The following TTLL8 variants were observed in gnomAD, a reference collection of about 807,000 sequenced individuals.
TTLL8 encodes the protein protein monoglycylase TTLL8.
Under a neutral mutation model 77.8 loss-of-function variants are expected in TTLL8, and 65 were observed. The observed-to-expected ratio is 0.84, with a 90% confidence interval of 0.68 to 1.03. TTLL8 has a LOEUF of 1.03. TTLL8 is among the 50% of genes least tolerant of loss of function. The pLI, the probability that TTLL8 is intolerant of heterozygous loss-of-function variation, is 0.00. For missense variants in TTLL8, 910 were observed against 1,004.5 expected (o/e 0.91, Z 1.27); for synonymous variants, 402 against 422.8 (o/e 0.95, Z 0.60).
At chr22:50,048,218 C>T (rs1046178606) in intron 3 of TTLL8, among the ~76,000 whole-genome samples, 3 of 151,866 alleles carry the variant, frequency 2.0e-5, no homozygotes, top group Non-Finnish European at 4.4e-5. Context: ...AGCCGAAGTC[C>T]CCCAGCCGCC....
At chr22:50,029,709 C>T (rs2061272017) in intron 12 of TTLL8, among the ~76,000 whole-genome samples, 2 of 152,060 alleles carry the variant, frequency 1.3e-5, no homozygotes, top group South Asian at 4.1e-4. Flanking sequence ...TCAGCCTCAG[C>T]AACAGAGCAA....
At chr22:50,057,611 GAGGTCTGGGTTGGGGGTC>G (rs2061488729), upstream of TTLL8, among the ~76,000 whole-genome samples, 3 of 35,230 alleles carry the variant, frequency 8.5e-5, no homozygotes, top group Non-Finnish European at 1.3e-4. Flanking sequence ...GGTTGAGCGG[GAGGTCTGGGTTGGGGGTC>G]AGGTCTGGGT....
rs565638287 is a variant in TTLL8, at chr22:50,036,418, G to A, written c.922-1956C>T. On this transcript the variant is annotated intron_variant, in intron 8 of 13. Transcript: ENST00000266182. Reference sequence around the variant, plus strand: ...AAAAGTCAAGTTGAACAGTGTGTACGTCCTTGTACACTCGTGTACACACCA... The same window carrying A: ...AAAAGTCAAGTTGAACAGTGTGTACATCCTTGTACACTCGTGTACACACCA... 1.4e-4 allele frequency among the ~76,000 whole-genome samples: 21 copies of A among 152,224 alleles called. No homozygotes were observed. The South Asian group carries it at 3.7e-3, about 27-fold the overall frequency.
At chr22:50,056,564 G>C (rs1308694553), upstream of TTLL8, among the ~76,000 whole-genome samples, 1 of 152,212 alleles carries the variant, frequency 6.6e-6, no homozygotes, top group Admixed American at 6.5e-5. This position sits in a 1 kb window ranked among gnomAD's most constrained non-coding sequence, Gnocchi z 4.1. Context: ...GGAAGGAAGA[G>C]AGAGGCGAGT....
At chr22:50,055,757 G>A (rs2061467466), upstream of TTLL8, among the ~76,000 whole-genome samples, 1 of 152,110 alleles carries the variant, frequency 6.6e-6, no homozygotes, top group Non-Finnish European at 1.5e-5. Flanking sequence ...CCACAGTGAT[G>A]GAGACCAGAG....
At chr22:50,049,055 C>T in intron 3 of TTLL8, 194 bp downstream of exon 5, 1 of 704,834 alleles carries the variant, frequency 1.4e-6, no homozygotes, top group African/African-American at 1.9e-5. Context: ...GCTCATCCAG[C>T]ACCGAAGGGC....
chr22:50,032,235 A>G, intron 10 of TTLL8, 126 bp from the exon 12 acceptor site: 1 of 1,018,486 alleles, frequency 9.8e-7, no homozygotes, highest in Non-Finnish European at 1.3e-6. Context: ...GAGGACTCCA[A>G]CCCTCTGCTG....
chr22:50,046,413 TAG>T (rs1273440015), intron 4 of TTLL8, among the ~76,000 whole-genome samples: 3 of 152,206 alleles, frequency 2.0e-5, no homozygotes, highest in Non-Finnish European at 4.4e-5. Flanking sequence ...CACGCGCCAT[TAG>T]AGAGGCATAT....
At chr22:50,050,800 C>A (rs1326467113) in intron 1 of TTLL8, among the ~76,000 whole-genome samples, 1 of 152,146 alleles carries the variant, frequency 6.6e-6, no homozygotes, top group Non-Finnish European at 1.5e-5. Context: ...TGCATGCAGC[C>A]CCCAGTCACG....
chr22:50,049,127 G>A, intron 3 of TTLL8, 122 bp downstream of exon 5: 1 of 1,308,674 alleles, frequency 7.6e-7, no homozygotes, highest in South Asian at 1.3e-5. Flanking sequence ...GCTGTGACTG[G>A]GGCTTTGCCC....
intron 8 of TTLL8, among the ~76,000 whole-genome samples, chr22:50,037,457 G>A (rs761662444): frequency 2.6e-5 from 4 of 152,072 alleles, no homozygotes; most frequent in Non-Finnish European, 4.4e-5. Flanking sequence ...TGCCCGCCTC[G>A]GCCTAGTGCT....
upstream of TTLL8, among the ~76,000 whole-genome samples, chr22:50,057,371 GGGGGA>G (rs2061478918): frequency 8.9e-6 from 1 of 112,016 alleles, no homozygotes; most frequent in Admixed American, 9.2e-5. Context: ...GGTCTGGGTT[GGGGGA>G]TCAGGTCTGG....
chr22:50,033,576 C>T, intron 9 of TTLL8, 131 bp from the exon 11 acceptor site: 22 of 805,434 alleles, frequency 2.7e-5, no homozygotes, highest in Non-Finnish European at 3.7e-5. Context: ...CAGCAGGCAG[C>T]ATGGTTGGTG....
In TTLL8 at chr22:50,039,440, C is replaced by G. The variant is rs924087634; in HGVS notation, c.921+1747G>C. The stretch of plus-strand genomic sequence containing the variant: ...GAAGGAACATCCAAGAAATAATGGC[C>G]TAGAGTATTCTAAATTTGAGGAAAA... On this transcript the variant is annotated intron_variant, in intron 8 of 13. Transcript: ENST00000266182. Among the ~76,000 whole-genome samples the G allele has an allele frequency of 6.6e-5, 10 of 152,114 alleles. No individual in the cohort carries two copies. The South Asian group carries it at 8.3e-4, about 13-fold the overall frequency.
upstream of TTLL8, chr22:50,056,915 C>A (rs986169090): frequency 3.2e-5 from 41 of 1,289,746 alleles, no homozygotes; most frequent in African/African-American, 3.3e-4. This position sits in a 1 kb window ranked among gnomAD's most constrained non-coding sequence, Gnocchi z 4.1. Flanking sequence ...CCAACGATAG[C>A]CCCTTCCTCT....
At chr22:50,024,045 C>T (rs1444747461) in intron 12 of TTLL8, among the ~76,000 whole-genome samples, 1 of 152,186 alleles carries the variant, frequency 6.6e-6, no homozygotes, top group Non-Finnish European at 1.5e-5. Context: ...ACAACAATAA[C>T]AACAACAAAA....
At chr22:50,051,630 T>G (rs2061444116) in intron 1 of TTLL8, among the ~76,000 whole-genome samples, 1 of 152,202 alleles carries the variant, frequency 6.6e-6, no homozygotes, top group African/African-American at 2.4e-5. Context: ...CCACAGTGGT[T>G]GCACTAGTTT....
intron 5 of TTLL8, 155 bp downstream of exon 7, chr22:50,045,700 CT>C (rs2061406180): frequency 1.2e-5 from 12 of 960,470 alleles, no homozygotes; most frequent in South Asian, 9.6e-5. Flanking sequence ...CCCGGGGCCC[CT>C]GGCCTCTGTA....
At chr22:50,032,049 G>T (rs368800177) in exon 11 of TTLL8, 1 of 1,366,100 alleles carries the variant, frequency 7.3e-7, no homozygotes, top group East Asian at 4.5e-5. Flanking sequence ...GCAGCAGGGG[G>T]CTGCGGCCCA....
Sources: gnomAD v4.1 joint callset for allele counts (sites outside exome capture counted in the v4.1 genomes callset) on GRCh38, gnomAD v4.1.1 for gene constraint, Gnocchi (gnomAD v3.1) non-coding constraint, MANE v1.5 for transcripts, NCBI Gene and HGNC (gene_info 2026-07-23, HGNC 2026-07-21) for gene names.